Variants in CCND2 observed in about 807,000 individuals in gnomAD.
CCND2 encodes cyclin D2.
A neutral mutation model predicts 30.2 loss-of-function variants in CCND2; 6 were observed. The observed-to-expected ratio is 0.20, with a 90% confidence interval of 0.11 to 0.39. CCND2 has a LOEUF of 0.39. Among genes scored for constraint, CCND2 ranks in the 10% least tolerant of loss-of-function variants. The pLI is 1.00. For synonymous variants in CCND2, 150 were observed against 153.1 expected (o/e 0.98, Z 0.15); for missense variants, 235 against 373.4 (o/e 0.63, Z 3.06).
chr12:4,305,046 T>C lies in CCND2; in HGVS notation c.*5037T>C, dbSNP rs1376086586. 4.3e-6 allele frequency: 1 copy of C among 232,832 alleles called. No homozygotes were observed. Among genetic ancestry groups the C allele is most frequent in the Admixed American group, 5.6e-5 (1 of 17,716 alleles). The allele number at this position is 232,832 out of a possible 1,614,324, so 14.4% of individuals were successfully genotyped here. ...CAAGTGTGATGCCATATCAAGTCCATGTTATTCTCTCACAGTGTACTCTAT... is the reference window on the plus strand; with the variant it reads ...CAAGTGTGATGCCATATCAAGTCCACGTTATTCTCTCACAGTGTACTCTAT... On this transcript the variant is annotated 3_prime_UTR_variant, in exon 5 of 5. Transcript: ENST00000261254. This position sits in a 1 kb window ranked among gnomAD's most constrained non-coding sequence, Gnocchi z 6.4.
rs1863831003 is a variant in CCND2 at position 4,274,321 on chromosome 12, C to A, written c.195+86C>A. 1 of 1,418,040 alleles carries A rather than the reference C, an allele frequency of 7.1e-7. No homozygotes were observed. Among genetic ancestry groups the A allele is most frequent in the African/African-American group, 1.4e-5 (1 of 70,602 alleles). 87.8% of individuals were successfully genotyped at this position (1,418,040 alleles called of 1,614,324 possible). A position where few individuals can be genotyped will look rare whatever the true frequency, so the allele number is the denominator to read the frequency against. ...CCGGAGCCCTAAACCTGGGAGAGGG[C>A]AATCCCCGCGCCGGCCTCCCGGCTC... On this transcript the variant is annotated intron_variant, in intron 1 of 4. Coordinates refer to ENST00000261254, the MANE Select transcript of CCND2 (RefSeq NM_001759.4). The surrounding 1 kb of genome is among the most constrained non-coding windows in gnomAD (Gnocchi z 7.7).
intron 2 of CCND2, among the ~76,000 whole-genome samples, chr12:4,278,013 C>T (rs1863897705): frequency 6.6e-6 from 1 of 152,260 alleles, no homozygotes; most frequent in African/African-American, 2.4e-5. Context: ...GGTCCCCACA[C>T]TTGCACTGAG....
In CCND2 at chr12:4,299,981, C is replaced by T. The variant is rs587777622; in HGVS notation, c.842C>T (p.Pro281Leu). 1.9e-6 allele frequency: 3 copies of T among 1,613,966 alleles called. No individual in the cohort carries two copies. The highest frequency in any genetic ancestry group is 2.5e-6 in the Non-Finnish European group (3 of 1,179,982). The stretch of plus-strand genomic sequence containing the variant: ...GATGAACTGGACCAAGCCAGCACCC[C>T]TACAGACGTGCGGGATATCGACCTG... The part of the protein sequence containing the change: ...SEDELDQAST[P>L]TDVRDIDL The change falls in exon 5 of 5, where the codon CCT becomes CTT. Residue 281 changes from proline to leucine, a missense_variant. By Grantham distance (98) the Pro-to-Leu change is moderately conservative (BLOSUM62 -3). Coordinates refer to ENST00000261254, the MANE Select transcript of CCND2 (RefSeq NM_001759.4). The surrounding 1 kb of genome is among the most constrained non-coding windows in gnomAD (Gnocchi z 5.2).
rs12580778 is a variant in CCND2 at position 4,302,708 on chromosome 12, A to G, written c.*2699A>G. 6.6e-3 allele frequency: 1,536 copies of G among 233,302 alleles called. 64 individuals carry two copies. In the East Asian group the frequency reaches 0.085, roughly 13 times the overall value. The allele number at this position is 233,302 out of a possible 1,614,324, so 14.5% of individuals were successfully genotyped here. The stretch of plus-strand genomic sequence containing the variant: ...GATAAGAAAAATAGGTCAGATAAGT[A>G]TGGGATGATAGTTGAAGGGAGGTGA... On this transcript the variant is annotated 3_prime_UTR_variant, in exon 5 of 5. Transcript: ENST00000261254.
chr12:4,300,946 T>A lies in CCND2; in HGVS notation c.*937T>A. 1 of 233,766 alleles carries A rather than the reference T, an allele frequency of 4.3e-6. No individual in the cohort carries two copies. The highest frequency in any genetic ancestry group is 8.5e-6 in the Non-Finnish European group (1 of 118,050). 14.5% of individuals were successfully genotyped at this position (233,766 alleles called of 1,614,324 possible). The stretch of plus-strand genomic sequence containing the variant: ...TGATTGGCATGTCTGGTTCACAGTT[T>A]AGCATTGTTATAAACCATTCCATTC... On this transcript the variant is annotated 3_prime_UTR_variant, in exon 5 of 5. Coordinates refer to ENST00000261254, the MANE Select transcript of CCND2 (RefSeq NM_001759.4).
In CCND2 at chr12:4,285,501, T is replaced by A; in HGVS notation, c.572-3341T>A. 1.2e-6 allele frequency: 1 copy of A among 802,272 alleles called. No individual in the cohort carries two copies. Among genetic ancestry groups the A allele is most frequent in the Non-Finnish European group, 1.5e-6 (1 of 662,928 alleles). The allele number at this position is 802,272 out of a possible 1,614,324, so 49.7% of individuals were successfully genotyped here. A position where few individuals can be genotyped will look rare whatever the true frequency, so the allele number is the denominator to read the frequency against. On this transcript the variant is annotated intron_variant, in intron 3 of 4. Coordinates refer to ENST00000261254, the MANE Select transcript of CCND2 (RefSeq NM_001759.4). This position sits in a 1 kb window ranked among gnomAD's most constrained non-coding sequence, Gnocchi z 4.1. ...CAAACTCATCTGTGTTTCTCCCACCTAACAGAACAGCTTTTATTTTCCGTG... is the reference window on the plus strand; with the variant it reads ...CAAACTCATCTGTGTTTCTCCCACCAAACAGAACAGCTTTTATTTTCCGTG...
At position 4,282,740 on chromosome 12, in the gene CCND2, C is replaced by T. The variant is rs1421016542; in HGVS notation, c.571+3821C>T. On this transcript the variant is annotated intron_variant, in intron 3 of 4. Transcript: ENST00000261254. The surrounding 1 kb of genome is among the most constrained non-coding windows in gnomAD (Gnocchi z 4.3). ...CTCATCGCCCTCCAACCAGCCCCCT[C>T]CCCAGCTCCTCCCAGCAGGCCTTGC... Among the ~76,000 whole-genome samples, 1 of 152,208 alleles carries T rather than the reference C, an allele frequency of 6.6e-6. No individual in the cohort carries two copies. Among genetic ancestry groups the T allele is most frequent in the African/African-American group, 2.4e-5 (1 of 41,452 alleles).
chr12:4,275,291 C>T (rs1294047828), intron 1 of CCND2: 1 of 152,272 alleles, frequency 6.6e-6, no homozygotes, highest in Non-Finnish European at 1.5e-5. Context: ...GGTCGGAATA[C>T]AGACCTTTCT....
intron 4 of CCND2, among the ~76,000 whole-genome samples, chr12:4,295,998 C>T (rs1014985282): frequency 6.6e-6 from 1 of 152,254 alleles, no homozygotes; most frequent in Admixed American, 6.5e-5. Context: ...GTAGAAGTGA[C>T]AGCCAGACAT....
At chr12:4,295,154 C>T (rs1390404225) in intron 4 of CCND2, among the ~76,000 whole-genome samples, 1 of 152,230 alleles carries the variant, frequency 6.6e-6, no homozygotes, top group Non-Finnish European at 1.5e-5. Flanking sequence ...GGCATGAGCT[C>T]TGTCTCATGG....
rs895013796 is a variant in CCND2 at position 4,293,242 on chromosome 12, C to T, written c.720+4252C>T. Among the ~76,000 whole-genome samples, 19 of 152,138 alleles carry T rather than the reference C, an allele frequency of 1.2e-4. No homozygotes were observed. The highest frequency in any genetic ancestry group is 6.5e-5 in the Admixed American group (1 of 15,276). ...TTCATTTTCATATGACACAGTTGCA[C>T]AAATTCACTAACTAAAAAATGGAAT... is the stretch of plus-strand genomic sequence containing the variant. On this transcript the variant is annotated intron_variant, in intron 4 of 4. Coordinates refer to ENST00000261254, the MANE Select transcript of CCND2 (RefSeq NM_001759.4). The surrounding 1 kb of genome is among the most constrained non-coding windows in gnomAD (Gnocchi z 4.9).
chr12:4,305,350 T>A lies in CCND2; in HGVS notation c.*5341T>A, dbSNP rs766233402. 1 of 219,344 alleles carries A rather than the reference T, an allele frequency of 4.6e-6. No individual in the cohort carries two copies. The highest frequency in any genetic ancestry group is 9.1e-6 in the Non-Finnish European group (1 of 109,412). 13.6% of individuals were successfully genotyped at this position (219,344 alleles called of 1,614,324 possible). A position where few individuals can be genotyped will look rare whatever the true frequency, so the allele number is the denominator to read the frequency against. ...TTTGGACAATAAACTCACCTTGACC[T>A]AAATTATCTGGCCGTTTTTGACTTA... On this transcript the variant is annotated 3_prime_UTR_variant, in exon 5 of 5. Coordinates refer to ENST00000261254, the MANE Select transcript of CCND2 (RefSeq NM_001759.4). This position sits in a 1 kb window ranked among gnomAD's most constrained non-coding sequence, Gnocchi z 6.4.
intron 2 of CCND2, among the ~76,000 whole-genome samples, chr12:4,278,227 CTTTT>C (rs1391278403): frequency 1.3e-5 from 2 of 152,188 alleles, no homozygotes; most frequent in Non-Finnish European, 2.9e-5. Flanking sequence ...GATAAAGGCA[CTTTT>C]TGGCACTAAG....
rs1864129985 is a variant in CCND2, at chr12:4,293,717, G to A, written c.720+4727G>A. Among the ~76,000 whole-genome samples the A allele has an allele frequency of 6.6e-6, 1 of 152,192 alleles. No homozygotes were observed. The highest frequency in any genetic ancestry group is 6.5e-5 in the Admixed American group (1 of 15,286). ...AAGTCTCAGTTTCGACCACATGTGT[G>A]TGATTCATGGGGTTTAGCATTGTGT... is the stretch of plus-strand genomic sequence containing the variant. On this transcript the variant is annotated intron_variant, in intron 4 of 4. Coordinates refer to ENST00000261254, the MANE Select transcript of CCND2 (RefSeq NM_001759.4). This position sits in a 1 kb window ranked among gnomAD's most constrained non-coding sequence, Gnocchi z 4.9.
In CCND2 at chr12:4,300,786, T is replaced by C. The variant is rs1202070792; in HGVS notation, c.*777T>C. On this transcript the variant is annotated 3_prime_UTR_variant, in exon 5 of 5. Coordinates refer to ENST00000261254, the MANE Select transcript of CCND2 (RefSeq NM_001759.4). ...AATGGGGAAATGTAGCTATGGGCCA[T>C]AACCAAAACTCACATGAAACGGAGG... is the stretch of plus-strand genomic sequence containing the variant. The C allele has an allele frequency of 4.3e-6, 1 of 233,600 alleles. No homozygotes were observed. Among genetic ancestry groups the C allele is most frequent in the African/African-American group, 2.2e-5 (1 of 45,334 alleles). The allele number at this position is 233,600 out of a possible 1,614,324, so 14.5% of individuals were successfully genotyped here.
At chr12:4,283,765 A>G (rs1863984625) in intron 3 of CCND2, among the ~76,000 whole-genome samples, 1 of 152,192 alleles carries the variant, frequency 6.6e-6, no homozygotes, top group African/African-American at 2.4e-5. Flanking sequence ...TTATCTGGGC[A>G]TCGTTCCTTG....
intron 4 of CCND2, among the ~76,000 whole-genome samples, chr12:4,294,763 G>A (rs1864145284): frequency 6.6e-6 from 1 of 152,164 alleles, no homozygotes; most frequent in Non-Finnish European, 1.5e-5. Flanking sequence ...ATTTCCAGAG[G>A]CCCTTTGGAC....
In CCND2 at chr12:4,293,449, G is replaced by A. The variant is rs1443075370; in HGVS notation, c.720+4459G>A. The stretch of plus-strand genomic sequence containing the variant: ...CTTTAGATTCAGGGGATCCATGTGC[G>A]GTTTGTTACGTGGATATATCGTGTG... On this transcript the variant is annotated intron_variant, in intron 4 of 4. Coordinates refer to ENST00000261254, the MANE Select transcript of CCND2 (RefSeq NM_001759.4). The surrounding 1 kb of genome is among the most constrained non-coding windows in gnomAD (Gnocchi z 4.9). Among the ~76,000 whole-genome samples, 3 of 152,190 alleles carry A rather than the reference G, an allele frequency of 2.0e-5. No homozygotes were observed. The highest frequency in any genetic ancestry group is 2.9e-5 in the Non-Finnish European group (2 of 68,048).
intron 4 of CCND2, among the ~76,000 whole-genome samples, chr12:4,296,339 G>A (rs926728968): frequency 6.6e-6 from 1 of 152,250 alleles, no homozygotes; most frequent in African/African-American, 2.4e-5. Context: ...CGGCCGGGAG[G>A]CGAGAGGGAT....
Sources: allele counts gnomAD v4.1 joint callset (sites outside exome capture counted in the v4.1 genomes callset), GRCh38; gene constraint gnomAD v4.1.1; non-coding constraint Gnocchi (gnomAD v3.1); transcripts MANE v1.5; gene names NCBI Gene and HGNC (gene_info 2026-07-23, HGNC 2026-07-21).